The following NSF variants were observed in gnomAD, a reference collection of about 807,000 sequenced individuals.
NSF encodes the protein vesicle-fusing ATPase.
Under a neutral mutation model 50.3 loss-of-function variants are expected in NSF, and 14 were observed. That is an observed-to-expected ratio of 0.28 (90% CI 0.18 to 0.44). NSF has a LOEUF of 0.44. Among genes scored for constraint, NSF ranks in the 20% least tolerant of loss-of-function variants. The pLI is 1.00. For missense variants in NSF, 218 were observed against 504.3 expected (o/e 0.43, Z 5.44); for synonymous variants, 109 against 175.7 (o/e 0.62, Z 3.00).
chr17:46,687,562 T>C (rs1159167611), intron 9 of NSF, among the ~76,000 whole-genome samples: 3 of 149,222 alleles, frequency 2.0e-5, no homozygotes, highest in African/African-American at 7.4e-5. Context: ...ACCAAAATTC[T>C]CATTCTGTTT....
At chr17:46,710,529 G>A (rs944168144) in intron 13 of NSF, among the ~76,000 whole-genome samples, 8 of 152,122 alleles carry the variant, frequency 5.3e-5, no homozygotes, top group Non-Finnish European at 7.4e-5. Context: ...TTACCATTTC[G>A]TATTCTCATG....
intron 17 of NSF, among the ~76,000 whole-genome samples, chr17:46,746,575 T>C (rs1018672940): frequency 2.0e-5 from 3 of 152,052 alleles, no homozygotes; most frequent in African/African-American, 7.3e-5. Flanking sequence ...TGAAGACTTA[T>C]CTATGGACTG....
chr17:46,655,899 A>G (rs1292173569), intron 8 of NSF, among the ~76,000 whole-genome samples: 1 of 104,642 alleles, frequency 9.6e-6, no homozygotes, highest in African/African-American at 4.4e-5. Flanking sequence ...CATGTTATCT[A>G]GAAATGAATC....
rs369000332 is a variant in NSF at position 46,693,070 on chromosome 17, T to C, written c.1111+2T>C. The C allele has an allele frequency of 4.4e-6, 7 of 1,608,202 alleles. No individual in the cohort carries two copies. The highest frequency in any genetic ancestry group is 5.9e-6 in the Non-Finnish European group (7 of 1,178,820). On this transcript the variant is annotated splice_donor_variant, in intron 10 of 20. Transcript: ENST00000398238. LOFTEE classifies it high-confidence loss of function. ...AGCTAAACAACATCCTAGTCATTGG[T>C]ATGTTTACTTTTTAAAAAAGTACTA...
Position 46,755,392 on chromosome 17 carries a change from G to T in NSF, c.2213+23G>T. Reference sequence around the variant, plus strand: ...AGCGTAAGTACATACAACATTTAATGACCATCAACCAAACTTACCACCCTG... The same window carrying T: ...AGCGTAAGTACATACAACATTTAATTACCATCAACCAAACTTACCACCCTG... On this transcript the variant is annotated intron_variant, in intron 20 of 20. Coordinates refer to ENST00000398238, the MANE Select transcript of NSF (RefSeq NM_006178.4). 1.9e-6 allele frequency: 3 copies of T among 1,597,416 alleles called. No homozygotes were observed. In the South Asian group the frequency reaches 3.3e-5, roughly 18 times the overall value.
intron 17 of NSF, among the ~76,000 whole-genome samples, chr17:46,733,740 T>C (rs1044575233): frequency 1.3e-5 from 2 of 152,198 alleles, no homozygotes; most frequent in African/African-American, 4.8e-5. Context: ...AGCTCAACGA[T>C]TGGAAAACTC....
At chr17:46,734,178 T>C (rs2058977834) in intron 17 of NSF, among the ~76,000 whole-genome samples, 1 of 152,178 alleles carries the variant, frequency 6.6e-6, no homozygotes, top group Non-Finnish European at 1.5e-5. Context: ...GTTGCTTTAG[T>C]GAAATAAGCA....
Position 46,733,138 on chromosome 17 carries a change from C to T in NSF, c.1908+4204C>T, listed in dbSNP as rs775416888. Among the ~76,000 whole-genome samples the T allele has an allele frequency of 9.9e-5, 15 of 152,140 alleles. No homozygotes were observed. The South Asian group carries it at 1.0e-3, about 11-fold the overall frequency. ...CTCCTTCCAGTGAGATTCCTAACGC[C>T]GTCTCTTTTACTTGATGACACTGGG... On this transcript the variant is annotated intron_variant, in intron 17 of 20. Coordinates refer to ENST00000398238, the MANE Select transcript of NSF (RefSeq NM_006178.4).
intron 17 of NSF, among the ~76,000 whole-genome samples, chr17:46,741,445 A>T (rs1222073083): frequency 1.3e-5 from 2 of 152,180 alleles, no homozygotes; most frequent in East Asian, 1.9e-4. Context: ...TTGCAGCACC[A>T]TGAGGATGGT....
At chr17:46,740,151 C>A (rs2146319237) in intron 17 of NSF, among the ~76,000 whole-genome samples, 1 of 152,158 alleles carries the variant, frequency 6.6e-6, no homozygotes, top group Middle Eastern at 3.4e-3. Context: ...TTGCTTATTT[C>A]TGGTTCTTGG....
rs535794660 is a variant in NSF at position 46,728,369 on chromosome 17, G to A, written c.1829-486G>A. Among the ~76,000 whole-genome samples the A allele has an allele frequency of 3.4e-4, 51 of 152,234 alleles. No homozygotes were observed. In the South Asian group the frequency reaches 3.5e-3, roughly 11 times the overall value. ...TGGTTTGCAGTAACTTCTTAGAAAT[G>A]CTTGGTAAATACACCTGGAATTTTT... On this transcript the variant is annotated intron_variant, in intron 16 of 20. Transcript: ENST00000398238.
At chr17:46,741,912 T>C (rs1379417132) in intron 17 of NSF, among the ~76,000 whole-genome samples, 1 of 152,190 alleles carries the variant, frequency 6.6e-6, no homozygotes, top group Non-Finnish European at 1.5e-5. Flanking sequence ...ATTACAGGCA[T>C]GTGCCACCAC....
intron 17 of NSF, among the ~76,000 whole-genome samples, chr17:46,742,195 A>C (rs573215258): frequency 2.0e-5 from 3 of 152,214 alleles, no homozygotes; most frequent in Non-Finnish European, 4.4e-5. Context: ...CGAAGCATAC[A>C]TGCCGTTCAT....
At chr17:46,741,305 G>A (rs550912969) in intron 17 of NSF, among the ~76,000 whole-genome samples, 46 of 152,206 alleles carry the variant, frequency 3.0e-4, no homozygotes, top group Middle Eastern at 3.4e-3. Context: ...TTCACAAATT[G>A]GAATTAGATA....
At position 46,756,021 on chromosome 17, in the gene NSF, G is replaced by A; in HGVS notation, c.*198G>A. On this transcript the variant is annotated 3_prime_UTR_variant, in exon 21 of 21. Transcript: ENST00000398238. ...GATAGCTTAGTGTCTCGTGGAAGGT[G>A]TCAATTTGGTTTAGAATGCTGCGCT... 1 of 563,380 alleles carries A rather than the reference G, an allele frequency of 1.8e-6. No homozygotes were observed. 34.9% of individuals were successfully genotyped at this position (563,380 alleles called of 1,614,324 possible).
rs1024598777 is a variant in NSF at position 46,711,134 on chromosome 17, G to A, written c.1627+15G>A. Reference sequence around the variant, plus strand: ...GCTTCTGGAAGGTGAGAATGAATGAGGAGATGGCATTAAAAGTTAAAGGAA... The same window carrying A: ...GCTTCTGGAAGGTGAGAATGAATGAAGAGATGGCATTAAAAGTTAAAGGAA... On this transcript the variant is annotated intron_variant, in intron 14 of 20. Transcript: ENST00000398238. 3 of 1,484,760 alleles carry A rather than the reference G, an allele frequency of 2.0e-6. No individual in the cohort carries two copies. The highest frequency in any genetic ancestry group is 2.8e-5 in the Admixed American group (1 of 35,716). The allele number at this position is 1,484,760 out of a possible 1,614,324, so 92.0% of individuals were successfully genotyped here.
intron 9 of NSF, among the ~76,000 whole-genome samples, chr17:46,684,426 A>G (rs2058476255): frequency 6.6e-6 from 1 of 151,856 alleles, no homozygotes; most frequent in East Asian, 1.9e-4. Context: ...CTCAATAAAC[A>G]TGTGTGCATG....
chr17:46,753,493 A>G (rs2059203602), intron 19 of NSF, among the ~76,000 whole-genome samples: 1 of 152,140 alleles, frequency 6.6e-6, no homozygotes, highest in South Asian at 2.1e-4. Context: ...CAGACTAACC[A>G]CTTTGTTTAG....
At chr17:46,723,641 A>T (rs2058856016) in intron 15 of NSF, among the ~76,000 whole-genome samples, 1 of 152,096 alleles carries the variant, frequency 6.6e-6, no homozygotes, top group South Asian at 2.1e-4. Flanking sequence ...TCTGTGTTTT[A>T]TTTCAGTTGC....
Sources: gnomAD v4.1 joint callset for allele counts (sites outside exome capture counted in the v4.1 genomes callset) on GRCh38, gnomAD v4.1.1 for gene constraint, MANE v1.5 for transcripts, NCBI Gene and HGNC (gene_info 2026-07-23, HGNC 2026-07-21) for gene names.